The following THSD4 variants were observed in gnomAD, a reference collection of about 807,000 sequenced individuals.
THSD4 encodes thrombospondin type 1 domain containing 4.
THSD4 carries 69 observed loss-of-function variants against 119.0 expected under a neutral mutation model. The ratio of observed to expected loss-of-function variants is 0.58; its 90% CI spans 0.48 to 0.71. The LOEUF (loss-of-function observed/expected upper bound fraction) is 0.71, where lower values mean the gene tolerates loss of function less well. THSD4 is among the 30% of genes least tolerant of loss of function. The pLI, the probability that THSD4 is intolerant of heterozygous loss-of-function variation, is 0.00. For missense variants in THSD4, 1,393 were observed against 1,391.1 expected, an observed-to-expected ratio of 1.00 and a Z score of -0.02; for synonymous variants, 524 against 540.4, an observed-to-expected ratio of 0.97 and a Z score of 0.42.
intron 3 of THSD4, among the ~76,000 whole-genome samples, chr15:71,207,351 T>C (rs1473135357): frequency 6.6e-6 from 1 of 152,250 alleles, no homozygotes; most frequent in African/African-American, 2.4e-5. Context: ...TAAATGACTC[T>C]TTCTGCCCTG....
At chr15:71,703,782 G>C (rs576718290) in intron 8 of THSD4, among the ~76,000 whole-genome samples, 249 of 152,234 alleles carry the variant, frequency 1.6e-3, no homozygotes, top group African/African-American at 5.6e-3. Flanking sequence ...CTCTGGTGAG[G>C]GGCAAGGATC....
intron 5 of THSD4, among the ~76,000 whole-genome samples, chr15:71,252,183 A>G (rs2044266635): frequency 6.6e-6 from 1 of 152,214 alleles, no homozygotes. Context: ...CATGAAAAGG[A>G]TCAGCTATCT....
chr15:71,482,515 A>C (rs887173048), intron 7 of THSD4, among the ~76,000 whole-genome samples: 8 of 150,922 alleles, frequency 5.3e-5, no homozygotes, highest in Non-Finnish European at 7.4e-5. Flanking sequence ...TGGTCTTGAT[A>C]TCCTGACCTC....
chr15:71,143,849 C>T (rs182411859), intron 2 of THSD4, among the ~76,000 whole-genome samples: 2 of 151,980 alleles, frequency 1.3e-5, no homozygotes, highest in African/African-American at 4.8e-5. Flanking sequence ...TAGCCATGTC[C>T]TGGAATTTTA....
chr15:71,146,719 T>G (rs1408004045), intron 2 of THSD4, among the ~76,000 whole-genome samples: 5 of 152,152 alleles, frequency 3.3e-5, no homozygotes, highest in Non-Finnish European at 7.4e-5. Context: ...GTCTTGTCTG[T>G]GGGAAGCCCG....
intron 7 of THSD4, among the ~76,000 whole-genome samples, chr15:71,596,886 G>C (rs1595769583): frequency 6.6e-6 from 1 of 152,200 alleles, no homozygotes; most frequent in African/African-American, 2.4e-5. Context: ...TTGGAATGCT[G>C]TTGTTTAAGA....
chr15:71,205,606 A>C (rs1208605717), intron 3 of THSD4, among the ~76,000 whole-genome samples: 1 of 152,208 alleles, frequency 6.6e-6, no homozygotes, highest in Non-Finnish European at 1.5e-5. Context: ...TTTACATAAT[A>C]ATTTCTATTG....
chr15:71,536,232 T>C lies in THSD4; in HGVS notation c.1153-124298T>C, dbSNP rs1270295051. ...GCAAAACCGCAGGCCTTGTGGAGGCTTTAGGAAAGGATCCCTACTTCTGGC... is the reference window on the plus strand; with the variant it reads ...GCAAAACCGCAGGCCTTGTGGAGGCCTTAGGAAAGGATCCCTACTTCTGGC... On this transcript the variant is annotated intron_variant, in intron 7 of 17. Coordinates refer to ENST00000261862, the MANE Select transcript of THSD4 (RefSeq NM_024817.3). 7.9e-5 allele frequency among the ~76,000 whole-genome samples: 12 copies of C among 152,282 alleles called. No individual in the cohort carries two copies. In the East Asian group the frequency reaches 2.1e-3, roughly 27 times the overall value.
intron 7 of THSD4, among the ~76,000 whole-genome samples, chr15:71,636,960 C>G (rs2050757416): frequency 6.6e-6 from 1 of 151,480 alleles, no homozygotes; most frequent in African/African-American, 2.4e-5. Context: ...TCTCGGCTCA[C>G]TACAGCCTCC....
At chr15:71,354,077 G>T (rs1046377609) in intron 6 of THSD4, among the ~76,000 whole-genome samples, 1 of 152,200 alleles carries the variant, frequency 6.6e-6, no homozygotes, top group Admixed American at 6.5e-5. Context: ...TGGGAGGATT[G>T]CTTGAGCCCA....
intron 1 of THSD4, among the ~76,000 whole-genome samples, chr15:71,104,814 T>G (rs1324460998): frequency 1.3e-5 from 2 of 152,134 alleles, no homozygotes; most frequent in East Asian, 1.9e-4. Context: ...GTGTAAAAAT[T>G]TGGAGTCAAC....
At chr15:71,599,208 C>A (rs1240435706) in intron 7 of THSD4, among the ~76,000 whole-genome samples, 2 of 152,122 alleles carry the variant, frequency 1.3e-5, no homozygotes. Context: ...CTTTGGAATC[C>A]AATCTGTTGT....
Position 71,333,557 on chromosome 15 carries a change from G to C in THSD4, c.1015+76842G>C, listed in dbSNP as rs140488743. On this transcript the variant is annotated intron_variant, in intron 6 of 17. Coordinates refer to ENST00000261862, the MANE Select transcript of THSD4 (RefSeq NM_024817.3). ...CTGGCATCTATAATTTTGGAGATTTGAGTGGCTGGCAACTGATAGAGTGCA... is the reference window on the plus strand; with the variant it reads ...CTGGCATCTATAATTTTGGAGATTTCAGTGGCTGGCAACTGATAGAGTGCA... Among the ~76,000 whole-genome samples, 1,229 of 152,212 alleles carry C rather than the reference G, an allele frequency of 8.1e-3. 19 individuals are homozygous for C. The highest frequency in any genetic ancestry group is 0.028 in the African/African-American group (1,179 of 41,546).
At chr15:71,736,351 C>T (rs916606847) in intron 10 of THSD4, among the ~76,000 whole-genome samples, 12 of 134,886 alleles carry the variant, frequency 8.9e-5, no homozygotes, top group African/African-American at 2.5e-4. Flanking sequence ...GACTCTCTGT[C>T]TTGCTCTCTT....
rs535516968 is a variant in THSD4 at position 71,779,456 on chromosome 15, G to C, written c.*2082G>C. 179 of 152,334 alleles carry C rather than the reference G, an allele frequency of 1.2e-3. No individual in the cohort carries two copies. The highest frequency in any genetic ancestry group is 4.2e-3 in the African/African-American group (174 of 41,576). The allele number at this position is 152,334 out of a possible 1,614,324, so 9.4% of individuals were successfully genotyped here. A position where few individuals can be genotyped will look rare whatever the true frequency, so the allele number is the denominator to read the frequency against. On this transcript the variant is annotated 3_prime_UTR_variant, in exon 18 of 18. Coordinates refer to ENST00000261862, the MANE Select transcript of THSD4 (RefSeq NM_024817.3). The stretch of plus-strand genomic sequence containing the variant: ...TTGAAGAGGTTTTCTTTTCATGCTG[G>C]AGGGCAGGCTAAGATCAATGAGTGG...
intron 6 of THSD4, among the ~76,000 whole-genome samples, chr15:71,383,988 C>T (rs2046261195): frequency 6.6e-6 from 1 of 151,978 alleles, no homozygotes; most frequent in Non-Finnish European, 1.5e-5. Flanking sequence ...ATTTGAGAGA[C>T]CAATTTAGTT....
intron 7 of THSD4, among the ~76,000 whole-genome samples, chr15:71,639,475 T>A (rs1401432873): frequency 2.0e-5 from 3 of 152,212 alleles, no homozygotes; most frequent in African/African-American, 7.2e-5. Context: ...ATTCTTTAAA[T>A]GAGGCATTCT....
chr15:71,528,863 T>C (rs961697223), intron 7 of THSD4, among the ~76,000 whole-genome samples: 3 of 152,236 alleles, frequency 2.0e-5, no homozygotes, highest in African/African-American at 7.2e-5. Flanking sequence ...CTATCCATGA[T>C]CAATTTATTA....
chr15:71,615,371 C>T (rs1179597941), intron 7 of THSD4, among the ~76,000 whole-genome samples: 1 of 152,084 alleles, frequency 6.6e-6, no homozygotes, highest in Non-Finnish European at 1.5e-5. Flanking sequence ...AATAAGACAA[C>T]AAGCAAAAAC....
Sources: gnomAD v4.1 joint callset for allele counts (sites outside exome capture counted in the v4.1 genomes callset) on GRCh38, gnomAD v4.1.1 for gene constraint, MANE v1.5 for transcripts, NCBI Gene and HGNC (gene_info 2026-07-23, HGNC 2026-07-21) for gene names.